Variants in DNAH11 observed in about 807,000 individuals in gnomAD.
DNAH11 encodes axonemal beta dynein heavy chain 11.
DNAH11 carries 442 observed loss-of-function variants against 526.0 expected under a neutral mutation model. The ratio of observed to expected loss-of-function variants is 0.84; its 90% CI spans 0.78 to 0.91. The LOEUF is 0.91. DNAH11 is among the 40% of genes least tolerant of loss of function. The probability of loss-of-function intolerance (pLI) is 0.00; values close to 1 mark genes in which losing one functional copy is unlikely to be tolerated. For synonymous variants in DNAH11, 2,461 were observed against 1,935.9 expected (o/e 1.27, Z -7.12); for missense variants, 6,989 against 5,448.7 (o/e 1.28, Z -8.90).
At chr7:21,900,421 A>G (rs373868514) in intron 81 of DNAH11, among the ~76,000 whole-genome samples, 2 of 152,308 alleles carry the variant, frequency 1.3e-5, no homozygotes, top group East Asian at 1.9e-4. Flanking sequence ...TTTCAATATA[A>G]TCATTTCAAA....
At chr7:21,578,351 T>C (rs1258358650) in intron 8 of DNAH11, among the ~76,000 whole-genome samples, 2 of 152,230 alleles carry the variant, frequency 1.3e-5, no homozygotes, top group African/African-American at 2.4e-5. Flanking sequence ...CATTACATCT[T>C]AAAGCTCCAA....
At chr7:21,696,849 A>G (rs2128476739) in intron 35 of DNAH11, among the ~76,000 whole-genome samples, 1 of 152,308 alleles carries the variant, frequency 6.6e-6, no homozygotes, top group Non-Finnish European at 1.5e-5. Flanking sequence ...GAGAGTGCAT[A>G]AAAAGATTTT....
intron 25 of DNAH11, among the ~76,000 whole-genome samples, chr7:21,625,557 T>A (rs1786290576): frequency 6.6e-6 from 1 of 152,150 alleles, no homozygotes; most frequent in South Asian, 2.1e-4. Flanking sequence ...GGGCTTAGTT[T>A]GTTCTTCTTT....
intron 40 of DNAH11, among the ~76,000 whole-genome samples, chr7:21,708,943 G>A (rs1052885033): frequency 2.0e-5 from 3 of 152,206 alleles, no homozygotes; most frequent in African/African-American, 7.2e-5. Context: ...AATGATGATG[G>A]TGAGGCTGTG....
intron 12 of DNAH11, among the ~76,000 whole-genome samples, chr7:21,590,198 A>G (rs1164528580): frequency 6.6e-6 from 1 of 152,156 alleles, no homozygotes; most frequent in Admixed American, 6.5e-5. Context: ...ATATGTGCAT[A>G]TATTTAATCA....
At chr7:21,548,565 T>G (rs1163726576) in intron 2 of DNAH11, among the ~76,000 whole-genome samples, 2 of 152,112 alleles carry the variant, frequency 1.3e-5, no homozygotes, top group Non-Finnish European at 2.9e-5. Flanking sequence ...TTTTCGGGTG[T>G]CTTAGGAAAT....
chr7:21,854,818 C>T (rs1782773328), intron 68 of DNAH11, among the ~76,000 whole-genome samples: 1 of 152,116 alleles, frequency 6.6e-6, no homozygotes, highest in Admixed American at 6.5e-5. Flanking sequence ...GCTGAGAGTA[C>T]AGGCGTGAAC....
chr7:21,876,680 C>G (rs375662671), intron 74 of DNAH11, among the ~76,000 whole-genome samples: 4 of 152,202 alleles, frequency 2.6e-5, no homozygotes, highest in Non-Finnish European at 4.4e-5. Flanking sequence ...GGGCTTTTCA[C>G]GGTCCCAGGT....
At chr7:21,639,689 C>G (rs1353283266) in intron 28 of DNAH11, among the ~76,000 whole-genome samples, 1 of 152,200 alleles carries the variant, frequency 6.6e-6, no homozygotes, top group Non-Finnish European at 1.5e-5. Flanking sequence ...AATTCCAAAG[C>G]ACTCCTTCCT....
intron 30 of DNAH11, among the ~76,000 whole-genome samples, chr7:21,672,005 A>G (rs1341426007): frequency 6.6e-5 from 10 of 152,324 alleles, no homozygotes; most frequent in East Asian, 3.9e-4. Context: ...CTGAGATTCA[A>G]CAACCCATGT....
At chr7:21,667,281 T>C (rs1471457026) in intron 30 of DNAH11, among the ~76,000 whole-genome samples, 6 of 152,160 alleles carry the variant, frequency 3.9e-5, no homozygotes. Context: ...GCTTCTGTCA[T>C]AAATATGTCT....
chr7:21,694,507 T>C (rs1024797039), intron 35 of DNAH11, among the ~76,000 whole-genome samples: 1 of 152,230 alleles, frequency 6.6e-6, no homozygotes. Flanking sequence ...GCTTCATCCA[T>C]GTCCCTGTAA....
chr7:21,686,998 C>A, intron 32 of DNAH11, 101 bp from the exon 33 acceptor site: 1 of 1,078,892 alleles, frequency 9.3e-7, no homozygotes, highest in Non-Finnish European at 1.3e-6. Flanking sequence ...GCTACTATCA[C>A]ATTCTAGAGC....
chr7:21,545,716 T>G (rs1166340904), intron 2 of DNAH11, among the ~76,000 whole-genome samples: 2 of 152,254 alleles, frequency 1.3e-5, no homozygotes, highest in African/African-American at 2.4e-5. Flanking sequence ...CACTTTAATG[T>G]GCATAAGAAC....
intron 55 of DNAH11, among the ~76,000 whole-genome samples, chr7:21,770,351 AT>A (rs1217290402): frequency 6.6e-6 from 1 of 152,180 alleles, no homozygotes; most frequent in Non-Finnish European, 1.5e-5. Context: ...ATTTTGAAGA[AT>A]TTTGTGCGTG....
In DNAH11 at chr7:21,635,303, C is replaced by A. The variant is rs375547962; in HGVS notation, c.4501-568C>A. 5.8e-4 allele frequency among the ~76,000 whole-genome samples: 88 copies of A among 152,260 alleles called. 3 individuals are homozygous for A. The East Asian group carries it at 0.014, about 24-fold the overall frequency. On this transcript the variant is annotated intron_variant, in intron 25 of 81. Transcript: ENST00000409508. Reference sequence around the variant, plus strand: ...TCCCAGGTAGCTGGGACTACAGGCGCCCGTCACCACGCCCAGCTAATTTCT... The same window carrying A: ...TCCCAGGTAGCTGGGACTACAGGCGACCGTCACCACGCCCAGCTAATTTCT...
Position 21,894,865 on chromosome 7 carries a change from CT to C in DNAH11, c.12934-12del. ...ACATTGGAAGATATTCACTGTGTGG[CT>C]TTTTTTCTCCATGCAAGGGGGAATT... On this transcript the variant is annotated intron_variant, in intron 78 of 81. Transcript: ENST00000409508. 1 of 1,613,260 alleles carries C rather than the reference CT, an allele frequency of 6.2e-7. No individual in the cohort carries two copies. The highest frequency in any genetic ancestry group is 8.5e-7 in the Non-Finnish European group (1 of 1,179,446).
rs140332534 is a variant in DNAH11 at position 21,731,308 on chromosome 7, T to G, written c.7441-4332T>G. 9.6e-3 allele frequency among the ~76,000 whole-genome samples: 1,464 copies of G among 152,298 alleles called. 12 individuals are homozygous for G. Among genetic ancestry groups the G allele is most frequent in the Middle Eastern group, 0.027 (8 of 294 alleles). The stretch of plus-strand genomic sequence containing the variant: ...AAAAATAAAGCATATTTTAGCTCTG[T>G]GATCCAAAAAATTTAATTATAGTTG... On this transcript the variant is annotated intron_variant, in intron 45 of 81. Coordinates refer to ENST00000409508, the MANE Select transcript of DNAH11 (RefSeq NM_001277115.2).
intron 6 of DNAH11, 76 bp from the exon 7 acceptor site, chr7:21,569,993 C>G: frequency 1.7e-6 from 2 of 1,200,540 alleles, no homozygotes; most frequent in Non-Finnish European, 1.1e-6. Context: ...AAAAATGATT[C>G]TTTGAAACAG....
Sources: allele counts gnomAD v4.1 joint callset (sites outside exome capture counted in the v4.1 genomes callset), GRCh38; gene constraint gnomAD v4.1.1; transcripts MANE v1.5; gene names NCBI Gene and HGNC (gene_info 2026-07-23, HGNC 2026-07-21).